SPATA6: variants seen among roughly 807,000 people sequenced by gnomAD.
SPATA6 encodes the protein spermatogenesis-associated protein 6.
Under a neutral mutation model 65.3 loss-of-function variants are expected in SPATA6, and 56 were observed. The observed-to-expected ratio is 0.86, with a 90% confidence interval of 0.69 to 1.07. SPATA6 has a LOEUF of 1.07. SPATA6 is among the 50% of genes least tolerant of loss of function. The pLI is 0.00. For synonymous variants in SPATA6, 199 were observed against 213.2 expected (o/e 0.93, Z 0.58); for missense variants, 590 against 594.8 (o/e 0.99, Z 0.08).
At chr1:48,361,594 G>A (rs1646815076) in intron 9 of SPATA6, among the ~76,000 whole-genome samples, 1 of 152,102 alleles carries the variant, frequency 6.6e-6, no homozygotes, top group Non-Finnish European at 1.5e-5. Context: ...GCCTTTAAGA[G>A]TTTATGTTAT....
At chr1:48,358,639 C>A (rs2148814600) in intron 10 of SPATA6, among the ~76,000 whole-genome samples, 1 of 152,162 alleles carries the variant, frequency 6.6e-6, no homozygotes, top group Non-Finnish European at 1.5e-5. Context: ...AGCAGAAAAA[C>A]CGCTCTTCCA....
intron 9 of SPATA6, among the ~76,000 whole-genome samples, chr1:48,382,339 C>A (rs1648750202): frequency 1.2e-5 from 1 of 80,666 alleles, no homozygotes; most frequent in Non-Finnish European, 2.5e-5. Flanking sequence ...GGGGGGCTGA[C>A]CCCCCCACCA....
At chr1:48,311,369 T>C (rs1277225933) in intron 11 of SPATA6, among the ~76,000 whole-genome samples, 1 of 152,060 alleles carries the variant, frequency 6.6e-6, no homozygotes, top group Non-Finnish European at 1.5e-5. Flanking sequence ...ACTAGAGATC[T>C]TACAGAAATA....
At chr1:48,456,197 C>A (rs751813307) in intron 1 of SPATA6, among the ~76,000 whole-genome samples, 7 of 152,106 alleles carry the variant, frequency 4.6e-5, no homozygotes, top group African/African-American at 7.2e-5. Context: ...CACAGAGAAC[C>A]CTGACAATGG....
At chr1:48,278,507 G>C in the SPATA6 span, among the ~76,000 whole-genome samples, 1 of 152,198 alleles carries the variant, frequency 6.6e-6, no homozygotes, top group African/African-American at 2.4e-5. Context: ...GGAGCTGAAA[G>C]CCAAGGCTCG....
chr1:48,369,121 G>A (rs1049479959), intron 9 of SPATA6, among the ~76,000 whole-genome samples: 7 of 152,152 alleles, frequency 4.6e-5, no homozygotes, highest in Non-Finnish European at 7.4e-5. Flanking sequence ...TTCGTGAACC[G>A]CGAATGCTGC....
At chr1:48,453,230 G>A in intron 1 of SPATA6, 99 bp from the exon 2 acceptor site, 1 of 1,258,206 alleles carries the variant, frequency 7.9e-7, no homozygotes. Context: ...ACATTAGTCT[G>A]GTAATCTAAT....
chr1:48,424,050 G>A (rs1032238139), intron 3 of SPATA6, among the ~76,000 whole-genome samples: 1 of 151,992 alleles, frequency 6.6e-6, no homozygotes, highest in African/African-American at 2.4e-5. Flanking sequence ...AAGTATTACT[G>A]ACTATAGTCA....
intron 11 of SPATA6, among the ~76,000 whole-genome samples, chr1:48,323,534 T>C (rs1645663037): frequency 6.6e-6 from 1 of 151,566 alleles, no homozygotes; most frequent in African/African-American, 2.4e-5. Context: ...AACCTGCATC[T>C]TGTGCACATC....
At chr1:48,455,247 G>A (rs1656908162) in intron 1 of SPATA6, among the ~76,000 whole-genome samples, 2 of 151,890 alleles carry the variant, frequency 1.3e-5, no homozygotes, top group Non-Finnish European at 2.9e-5. Context: ...AATATGAAAT[G>A]GGTTTTTAAG....
chr1:48,288,631 C>G, the SPATA6 span, among the ~76,000 whole-genome samples: 1 of 152,196 alleles, frequency 6.6e-6, no homozygotes, highest in African/African-American at 2.4e-5. Flanking sequence ...CCTGGAAAAC[C>G]AGGTCACTCC....
chr1:48,320,932 TGTTAA>T (rs1645582191), intron 11 of SPATA6, among the ~76,000 whole-genome samples: 1 of 152,216 alleles, frequency 6.6e-6, no homozygotes. Flanking sequence ...AAGCAATCAG[TGTTAA>T]GTTGTCATCA....
the SPATA6 span, among the ~76,000 whole-genome samples, chr1:48,282,718 C>T: frequency 2.6e-5 from 4 of 152,140 alleles, no homozygotes; most frequent in Admixed American, 1.3e-4. Flanking sequence ...AATAGGAACA[C>T]TTTTACACTG....
At chr1:48,388,306 C>T (rs550329621) in intron 8 of SPATA6, among the ~76,000 whole-genome samples, 1 of 151,744 alleles carries the variant, frequency 6.6e-6, no homozygotes, top group East Asian at 1.9e-4. Flanking sequence ...GTGCCCTACC[C>T]AACCAGTAAT....
intron 3 of SPATA6, among the ~76,000 whole-genome samples, chr1:48,429,684 T>C (rs1654223825): frequency 6.6e-6 from 1 of 151,578 alleles, no homozygotes; most frequent in South Asian, 2.1e-4. Flanking sequence ...GCAGATACAC[T>C]AGAAAAAGAC....
chr1:48,436,126 A>G (rs1307824608), intron 3 of SPATA6: 6 of 1,610,188 alleles, frequency 3.7e-6, no homozygotes, highest in African/African-American at 1.3e-5. Flanking sequence ...ATGTTCCACC[A>G]ACGTTTCTCA....
At position 48,309,342 on chromosome 1, in the gene SPATA6, G is replaced by A. The variant is rs1177493203; in HGVS notation, c.1195-3464C>T. On this transcript the variant is annotated intron_variant, in intron 11 of 12. Coordinates refer to ENST00000371847, the MANE Select transcript of SPATA6 (RefSeq NM_019073.4). ...ATTATCTCATTTGACTTGTCTTCAA[G>A]TCCAATAATATTTTCTTCTGCCTGC... Among the ~76,000 whole-genome samples the A allele has an allele frequency of 5.3e-5, 8 of 151,850 alleles. No individual in the cohort carries two copies. In the South Asian group the frequency reaches 1.5e-3, roughly 28 times the overall value.
chr1:48,267,570 T>C, the SPATA6 span, among the ~76,000 whole-genome samples: 4 of 152,008 alleles, frequency 2.6e-5, no homozygotes, highest in Admixed American at 6.5e-5. Flanking sequence ...AGCTGGACTC[T>C]CCTCCAACCA....
the SPATA6 span, among the ~76,000 whole-genome samples, chr1:48,273,708 T>C: frequency 6.6e-6 from 1 of 152,240 alleles, no homozygotes; most frequent in African/African-American, 2.4e-5. Context: ...TTCCATGGTG[T>C]ATATGTGCCA....
Sources: gnomAD v4.1 joint callset for allele counts (sites outside exome capture counted in the v4.1 genomes callset) on GRCh38, gnomAD v4.1.1 for gene constraint, MANE v1.5 for transcripts, NCBI Gene and HGNC (gene_info 2026-07-23, HGNC 2026-07-21) for gene names.